Variants in SNX21 observed in about 807,000 individuals in gnomAD.
SNX21 encodes sorting nexin family member 21.
In SNX21, 36 loss-of-function variants were observed where a neutral mutation model predicts 30.9. The ratio of observed to expected loss-of-function variants is 1.16; its 90% CI spans 0.89 to 1.54. SNX21 has a LOEUF of 1.54. Ranked by LOEUF, SNX21 falls within the 40% of genes most tolerant of loss-of-function variation. SNX21 has a pLI of 0.00. For synonymous variants in SNX21, 218 were observed against 222.7 expected (o/e 0.98, Z 0.19); for missense variants, 508 against 516.5 (o/e 0.98, Z 0.16).
chr20:45,835,185 C>T (rs1983429911), intron 3 of SNX21, 69 bp downstream of exon 3: 1 of 1,507,632 alleles, frequency 6.6e-7, no homozygotes, highest in Non-Finnish European at 8.9e-7. Flanking sequence ...AGGGAAGACC[C>T]CAACTTCCTG....
At chr20:45,834,138 C>T (rs1186565479) in intron 1 of SNX21, 63 bp from the exon 2 acceptor site, 37 of 1,427,704 alleles carry the variant, frequency 2.6e-5, no homozygotes, top group Non-Finnish European at 3.4e-5. Flanking sequence ...CCTCCTCCTC[C>T]TGCGCCGGGC....
intron 3 of SNX21, among the ~76,000 whole-genome samples, chr20:45,836,941 C>G (rs1037649287): frequency 6.6e-6 from 1 of 152,180 alleles, no homozygotes; most frequent in African/African-American, 2.4e-5. Flanking sequence ...GAGTTTAAAT[C>G]CCAGCTGGGC....
Position 45,833,803 on chromosome 20 carries a change from A to G in SNX21, c.-117A>G. On this transcript the variant is annotated 5_prime_UTR_variant, in exon 1 of 4. Transcript: ENST00000491381. ...GGCAGGAGGCGGGGCGGCGGCAGGA[A>G]GCTGCCCGAGCGGCGCTCTGAGCGG... 1 of 1,068,664 alleles carries G rather than the reference A, an allele frequency of 9.4e-7. No homozygotes were observed. Among genetic ancestry groups the G allele is most frequent in the Non-Finnish European group, 1.2e-6 (1 of 835,960 alleles). The allele number at this position is 1,068,664 out of a possible 1,614,324, so 66.2% of individuals were successfully genotyped here.
In SNX21 at chr20:45,841,673, T is replaced by C; in HGVS notation, c.*360T>C. On this transcript the variant is annotated 3_prime_UTR_variant, in exon 4 of 4. Coordinates refer to ENST00000491381, the MANE Select transcript of SNX21 (RefSeq NM_033421.4). Reference sequence around the variant, plus strand: ...CCCCTGGAGTCCTGGAGTTAAGGGATGAAGGCAAGGCTGCAGGTCTGGCCC... The same window carrying C: ...CCCCTGGAGTCCTGGAGTTAAGGGACGAAGGCAAGGCTGCAGGTCTGGCCC... 1 of 1,420,276 alleles carries C rather than the reference T, an allele frequency of 7.0e-7. No homozygotes were observed. The allele number at this position is 1,420,276 out of a possible 1,614,324, so 88.0% of individuals were successfully genotyped here.
At chr20:45,837,831 G>A (rs1033782237) in intron 3 of SNX21, among the ~76,000 whole-genome samples, 28 of 150,106 alleles carry the variant, frequency 1.9e-4, no homozygotes, top group African/African-American at 6.9e-4. Flanking sequence ...GGAGTGCAGT[G>A]GTGCAATCTC....
Position 45,841,913 on chromosome 20 carries a change from A to T in SNX21, c.*600A>T. ...GGGCACAGGTCACAGCTAGGACTCC[A>T]TCCTGACGCCACAGCCGCCCATGGA... On this transcript the variant is annotated 3_prime_UTR_variant, in exon 4 of 4. Transcript: ENST00000491381. 6.2e-7 allele frequency: 1 copy of T among 1,612,884 alleles called. No individual in the cohort carries two copies. The highest frequency in any genetic ancestry group is 1.1e-5 in the South Asian group (1 of 90,904).
At chr20:45,834,559 AT>A in intron 2 of SNX21, 91 bp downstream of exon 2, 1 of 1,432,232 alleles carries the variant, frequency 7.0e-7, no homozygotes, top group Non-Finnish European at 9.2e-7. Context: ...CGCTAAGTTG[AT>A]CCAGCTGAAA....
intron 3 of SNX21, among the ~76,000 whole-genome samples, chr20:45,836,556 T>C (rs960839029): frequency 7.1e-6 from 1 of 141,440 alleles, no homozygotes; most frequent in African/African-American, 2.7e-5. Context: ...CAGGCTGGAG[T>C]GCAGTGGTGC....
intron 2 of SNX21, 198 bp from the exon 3 acceptor site, chr20:45,834,761 G>A: frequency 2.8e-6 from 2 of 708,468 alleles, no homozygotes; most frequent in Non-Finnish European, 2.3e-6. Context: ...ATATTTTGAG[G>A]GTGGAGCTAT....
At chr20:45,836,002 G>A (rs752771165) in intron 3 of SNX21, among the ~76,000 whole-genome samples, 1 of 152,126 alleles carries the variant, frequency 6.6e-6, no homozygotes, top group African/African-American at 2.4e-5. Context: ...GGCCACTCCT[G>A]TCAGTGGCAG....
At chr20:45,840,259 A>G (rs953165390) in intron 3 of SNX21, 442 of 1,463,758 alleles carry the variant, frequency 3.0e-4, no homozygotes, top group Non-Finnish European at 3.8e-4. Context: ...AACAAGCTCC[A>G]AGCTGGTCCT....
At position 45,842,995 on chromosome 20, in the gene SNX21, G is replaced by T; in HGVS notation, c.*1682G>T. 9.4e-7 allele frequency: 1 copy of T among 1,058,322 alleles called. No individual in the cohort carries two copies. The highest frequency in any genetic ancestry group is 1.7e-5 in the African/African-American group (1 of 59,478). The allele number at this position is 1,058,322 out of a possible 1,614,324, so 65.6% of individuals were successfully genotyped here. A position where few individuals can be genotyped will look rare whatever the true frequency, so the allele number is the denominator to read the frequency against. ...TCCCCTGCAAGGAAGGTCCAAGCAG[G>T]CCCTTAGGGACCACTGAATGCCCCG... On this transcript the variant is annotated 3_prime_UTR_variant, in exon 4 of 4. Coordinates refer to ENST00000491381, the MANE Select transcript of SNX21 (RefSeq NM_033421.4).
rs1983278098 is a variant in SNX21 at position 45,834,211 on chromosome 20, C to T, written c.32C>T (p.Ala11Val). The T allele has an allele frequency of 6.5e-7, 1 of 1,526,720 alleles. No individual in the cohort carries two copies. The allele number at this position is 1,526,720 out of a possible 1,614,324, so 94.6% of individuals were successfully genotyped here. A position where few individuals can be genotyped will look rare whatever the true frequency, so the allele number is the denominator to read the frequency against. MHRGTQEGAM[A>V]SRLLHRLRHA... ...GCGCGCTCCCCCCAGGGTGCCATGG[C>T]CTCCCGGCTCCTGCACCGGCTGCGG... The change falls in exon 2 of 4, where the codon GCC becomes GTC. Residue 11 changes from alanine (A) to valine (V), a missense_variant. Coordinates refer to ENST00000491381, the MANE Select transcript of SNX21 (RefSeq NM_033421.4).
chr20:45,835,186 C>A, intron 3 of SNX21, 70 bp downstream of exon 3: 1 of 1,504,646 alleles, frequency 6.6e-7, no homozygotes, highest in Non-Finnish European at 8.9e-7. Context: ...GGGAAGACCC[C>A]AACTTCCTGA....
Position 45,833,876 on chromosome 20 carries a change from G to T in SNX21, c.-44G>T. On this transcript the variant is annotated 5_prime_UTR_variant, in exon 1 of 4. Transcript: ENST00000491381. ...AGAACCCGGCCGACCTCCATGGGCT[G>T]CGGGGGGCTGCACCCGGACCCCTGG... 1 of 1,337,960 alleles carries T rather than the reference G, an allele frequency of 7.5e-7. No individual in the cohort carries two copies. The highest frequency in any genetic ancestry group is 9.6e-7 in the Non-Finnish European group (1 of 1,043,168). 82.9% of individuals were successfully genotyped at this position (1,337,960 alleles called of 1,614,324 possible). A position where few individuals can be genotyped will look rare whatever the true frequency, so the allele number is the denominator to read the frequency against.
chr20:45,841,098 C>A lies in SNX21; in HGVS notation c.907C>A (p.Arg303=). The A allele has an allele frequency of 6.2e-7, 1 of 1,609,222 alleles. No homozygotes were observed. The highest frequency in any genetic ancestry group is 8.5e-7 in the Non-Finnish European group (1 of 1,178,384). The change falls in exon 4 of 4, where the codon CGG becomes AGG. Residue 303 remains arginine, a synonymous_variant. Coordinates refer to ENST00000491381, the MANE Select transcript of SNX21 (RefSeq NM_033421.4). ...HQELEDPGEA[R]ACCEKALQLL... is the part of the protein sequence containing the mutation. ...GGAGCTGGAAGACCCTGGAGAGGCC[C>A]GGGCATGCTGTGAGAAGGCCCTGCA...
In SNX21 at chr20:45,841,702, GGAATTAAAAGC is replaced by G; in HGVS notation, c.*390_*400del. The G allele has an allele frequency of 7.0e-7, 1 of 1,432,578 alleles. No homozygotes were observed. The highest frequency in any genetic ancestry group is 2.9e-5 in the Admixed American group (1 of 34,318). 88.7% of individuals were successfully genotyped at this position (1,432,578 alleles called of 1,614,324 possible). A position where few individuals can be genotyped will look rare whatever the true frequency, so the allele number is the denominator to read the frequency against. ...GGCAAGGCTGCAGGTCTGGCCCAGG[GGAATTAAAAGC>G]CAGCCACTCCAGTGGTATCAGTCTC... On this transcript the variant is annotated 3_prime_UTR_variant, in exon 4 of 4. Coordinates refer to ENST00000491381, the MANE Select transcript of SNX21 (RefSeq NM_033421.4).
rs757823282 is a variant in SNX21 at position 45,834,261 on chromosome 20, G to A, written c.82G>A (p.Gly28Arg). 7.0e-6 allele frequency: 11 copies of A among 1,582,192 alleles called. No individual in the cohort carries two copies. Among genetic ancestry groups the A allele is most frequent in the Non-Finnish European group, 9.4e-6 (11 of 1,170,964 alleles). Residue 28 changes from glycine to arginine, a missense_variant, in exon 2 of 4, where the codon GGG (glycine) becomes AGG (arginine). Gly to Arg is a moderately radical substitution (Grantham distance 125). Coordinates refer to ENST00000491381, the MANE Select transcript of SNX21 (RefSeq NM_033421.4). ...GCACGCCTTGGCCGGCGACGGCCCC[G>A]GGGAGGCGGCGGCCAGTCCAGAGGC... The part of the protein sequence containing the change: ...LRHALAGDGP[G>R]EAAASPEAEQ...
At position 45,842,665 on chromosome 20, in the gene SNX21, C is replaced by T; in HGVS notation, c.*1352C>T. On this transcript the variant is annotated 3_prime_UTR_variant, in exon 4 of 4. Transcript: ENST00000491381. ...TACACATAGCAGAGCTCACTCAGTTCTCACAGTAGCCAAATGAAGCAGTTA... is the reference window on the plus strand; with the variant it reads ...TACACATAGCAGAGCTCACTCAGTTTTCACAGTAGCCAAATGAAGCAGTTA... 1 of 989,738 alleles carries T rather than the reference C, an allele frequency of 1.0e-6. No homozygotes were observed. The highest frequency in any genetic ancestry group is 1.7e-5 in the African/African-American group (1 of 57,362). 61.3% of individuals were successfully genotyped at this position (989,738 alleles called of 1,614,324 possible).
Sources: allele counts gnomAD v4.1 joint callset (sites outside exome capture counted in the v4.1 genomes callset), GRCh38; gene constraint gnomAD v4.1.1; transcripts MANE v1.5; gene names NCBI Gene and HGNC (gene_info 2026-07-23, HGNC 2026-07-21).